HS3ST3B1: variants seen among roughly 807,000 people sequenced by gnomAD.
HS3ST3B1 encodes the protein heparan sulfate-glucosamine 3-sulfotransferase 3B1.
Under a neutral mutation model 21.3 loss-of-function variants are expected in HS3ST3B1, and 13 were observed. That is an observed-to-expected ratio of 0.61 (90% CI 0.40 to 0.97). The LOEUF is 0.97. HS3ST3B1 is among the 50% of genes least tolerant of loss of function. The pLI, the probability that HS3ST3B1 is intolerant of heterozygous loss-of-function variation, is 0.00. For missense variants in HS3ST3B1, 459 were observed against 554.8 expected (o/e 0.83, Z 1.73); for synonymous variants, 234 against 254.8 (o/e 0.92, Z 0.78).
chr17:14,324,396 T>G (rs545934037), intron 1 of HS3ST3B1, among the ~76,000 whole-genome samples: 1 of 152,216 alleles, frequency 6.6e-6, no homozygotes, highest in East Asian at 1.9e-4. Flanking sequence ...CTTTCTATCT[T>G]CCTTTAAAAC....
Position 14,345,865 on chromosome 17 carries a change from G to T in HS3ST3B1, c.*219G>T. On this transcript the variant is annotated 3_prime_UTR_variant, in exon 2 of 2. Coordinates refer to ENST00000360954, the MANE Select transcript of HS3ST3B1 (RefSeq NM_006041.3). ...GTATTTCGTTCTCTTCTTCACAATTGATGGTGCTTCTATTTTTTCTTCTCC... is the reference window on the plus strand; with the variant it reads ...GTATTTCGTTCTCTTCTTCACAATTTATGGTGCTTCTATTTTTTCTTCTCC... 1.8e-6 allele frequency: 1 copy of T among 542,976 alleles called. No homozygotes were observed. Among genetic ancestry groups the T allele is most frequent in the East Asian group, 3.2e-5 (1 of 31,152 alleles). The allele number at this position is 542,976 out of a possible 1,614,324, so 33.6% of individuals were successfully genotyped here.
Position 14,345,731 on chromosome 17 carries a change from A to T in HS3ST3B1, c.*85A>T, listed in dbSNP as rs972086588. ...TGTAAAATGTACAGAAATCTATTTT[A>T]TAATAATTTATTTTTAATTCATAAG... On this transcript the variant is annotated 3_prime_UTR_variant, in exon 2 of 2. Transcript: ENST00000360954. 22 of 1,451,516 alleles carry T rather than the reference A, an allele frequency of 1.5e-5. No homozygotes were observed. The highest frequency in any genetic ancestry group is 1.9e-5 in the Non-Finnish European group (21 of 1,089,522). 89.9% of individuals were successfully genotyped at this position (1,451,516 alleles called of 1,614,324 possible). A position where few individuals can be genotyped will look rare whatever the true frequency, so the allele number is the denominator to read the frequency against.
At chr17:14,329,625 G>A (rs1909943020) in intron 1 of HS3ST3B1, among the ~76,000 whole-genome samples, 1 of 152,236 alleles carries the variant, frequency 6.6e-6, no homozygotes, top group Non-Finnish European at 1.5e-5. Context: ...ATTCCTCCTT[G>A]GCTGATCATC....
At chr17:14,304,086 A>T (rs1040479276) in intron 1 of HS3ST3B1, 62 of 152,300 alleles carry the variant, frequency 4.1e-4, no homozygotes, top group African/African-American at 1.4e-3. Context: ...CCTGCAGCGG[A>T]CAGCGCAGCC....
intron 1 of HS3ST3B1, among the ~76,000 whole-genome samples, chr17:14,336,952 ACT>A (rs912757673): frequency 6.6e-5 from 10 of 151,650 alleles, no homozygotes; most frequent in African/African-American, 9.7e-5. Context: ...GCTGGTGGGG[ACT>A]CTGTTGAGTC....
chr17:14,345,846 C>A lies in HS3ST3B1; in HGVS notation c.*200C>A. The stretch of plus-strand genomic sequence containing the variant: ...TCCAAAGTGTTTAACTCTAGTATTT[C>A]GTTCTCTTCTTCACAATTGATGGTG... On this transcript the variant is annotated 3_prime_UTR_variant, in exon 2 of 2. Coordinates refer to ENST00000360954, the MANE Select transcript of HS3ST3B1 (RefSeq NM_006041.3). The A allele has an allele frequency of 1.5e-6, 1 of 659,072 alleles. No homozygotes were observed. 40.8% of individuals were successfully genotyped at this position (659,072 alleles called of 1,614,324 possible). A position where few individuals can be genotyped will look rare whatever the true frequency, so the allele number is the denominator to read the frequency against.
At chr17:14,321,274 G>C (rs563478662) in intron 1 of HS3ST3B1, among the ~76,000 whole-genome samples, 65 of 152,334 alleles carry the variant, frequency 4.3e-4, no homozygotes, top group Admixed American at 2.2e-3. Flanking sequence ...TAATGAGCTA[G>C]AAGAGGAGGC....
intron 1 of HS3ST3B1, among the ~76,000 whole-genome samples, chr17:14,308,707 G>A (rs1050516825): frequency 2.0e-5 from 3 of 152,302 alleles, no homozygotes; most frequent in South Asian, 2.1e-4. Flanking sequence ...TAAGACTCTG[G>A]TTTAACATCA....
chr17:14,302,797 G>A (rs564837858), intron 1 of HS3ST3B1, among the ~76,000 whole-genome samples: 27 of 152,312 alleles, frequency 1.8e-4, no homozygotes, highest in African/African-American at 6.0e-4. Flanking sequence ...AAGGCGTCCG[G>A]GCCTCCGGGC....
rs1422907271 is a variant in HS3ST3B1, at chr17:14,345,166, G to A, written c.693G>A (p.Val231=). The change falls in exon 2 of 2, where the codon GTG becomes GTA. Residue 231 remains valine (V), a synonymous_variant. Coordinates refer to ENST00000360954, the MANE Select transcript of HS3ST3B1 (RefSeq NM_006041.3). ...TCATCGTGGTGGTGCGGGACCCGGT[G>A]ACCAGGGCCATCTCGGACTACACGC... ...TKLIVVVRDP[V]TRAISDYTQT... The A allele has an allele frequency of 6.3e-7, 1 of 1,583,950 alleles. No homozygotes were observed. The highest frequency in any genetic ancestry group is 8.6e-7 in the Non-Finnish European group (1 of 1,159,398).
chr17:14,315,821 CA>C (rs765113554), intron 1 of HS3ST3B1, among the ~76,000 whole-genome samples: 18,629 of 113,244 alleles, frequency 0.16, 2,731 homozygotes, highest in African/African-American at 0.43. Flanking sequence ...GACTCCATCT[CA>C]AAAAAAAAAA....
chr17:14,333,458 A>G (rs1029272169), intron 1 of HS3ST3B1, among the ~76,000 whole-genome samples: 28 of 149,994 alleles, frequency 1.9e-4, no homozygotes, highest in South Asian at 4.2e-4. Flanking sequence ...ACCGAGTGAG[A>G]CTCCGACTCA....
At chr17:14,313,488 G>A (rs903629796) in intron 1 of HS3ST3B1, among the ~76,000 whole-genome samples, 5 of 152,116 alleles carry the variant, frequency 3.3e-5, no homozygotes, top group African/African-American at 1.2e-4. Flanking sequence ...CAGAGAGATG[G>A]CAGCCTGTAT....
intron 1 of HS3ST3B1, among the ~76,000 whole-genome samples, chr17:14,315,240 TC>T (rs1486641467): frequency 2.0e-5 from 3 of 152,048 alleles, no homozygotes; most frequent in Non-Finnish European, 2.9e-5. Flanking sequence ...CTCAGCCAAC[TC>T]TCCTGTAGGA....
chr17:14,309,941 T>A (rs1909252941), intron 1 of HS3ST3B1, among the ~76,000 whole-genome samples: 1 of 152,130 alleles, frequency 6.6e-6, no homozygotes, highest in Non-Finnish European at 1.5e-5. Context: ...GTGAATTCAG[T>A]TGAGTCAATT....
At chr17:14,327,087 G>C (rs1384058353) in intron 1 of HS3ST3B1, among the ~76,000 whole-genome samples, 1 of 152,000 alleles carries the variant, frequency 6.6e-6, no homozygotes, top group East Asian at 1.9e-4. Context: ...AGTCCCTGGA[G>C]GGCAAGAATC....
intron 1 of HS3ST3B1, among the ~76,000 whole-genome samples, chr17:14,312,478 A>T (rs1440994101): frequency 6.6e-6 from 1 of 151,824 alleles, no homozygotes; most frequent in Admixed American, 6.6e-5. Context: ...CTATTTTTTC[A>T]TCCTTTTTTC....
chr17:14,316,392 C>A (rs1444264687), intron 1 of HS3ST3B1, among the ~76,000 whole-genome samples: 1 of 152,172 alleles, frequency 6.6e-6, no homozygotes, highest in East Asian at 1.9e-4. Flanking sequence ...CTTGCTTTGC[C>A]TCCACTTGCT....
intron 1 of HS3ST3B1, among the ~76,000 whole-genome samples, chr17:14,332,512 C>G (rs1356581817): frequency 6.6e-6 from 1 of 151,750 alleles, no homozygotes; most frequent in Non-Finnish European, 1.5e-5. Flanking sequence ...AGTCTGCAAC[C>G]GCTCCCACCG....
Sources: gnomAD v4.1 joint callset for allele counts (sites outside exome capture counted in the v4.1 genomes callset) on GRCh38, gnomAD v4.1.1 for gene constraint, MANE v1.5 for transcripts, NCBI Gene and HGNC (gene_info 2026-07-23, HGNC 2026-07-21) for gene names.